Variants in CCSER1 observed in about 807,000 individuals in gnomAD.
CCSER1 encodes the protein serine-rich coiled-coil domain-containing protein 1.
Under a neutral mutation model 82.0 loss-of-function variants are expected in CCSER1, and 41 were observed. That is an observed-to-expected ratio of 0.50 (90% CI 0.39 to 0.65). CCSER1 has a LOEUF of 0.65. Ranked by LOEUF, CCSER1 falls within the 30% of genes least tolerant of loss-of-function variation. The pLI is 0.00. For synonymous variants in CCSER1, 414 were observed against 383.9 expected (o/e 1.08, Z -0.92); for missense variants, 1,119 against 1,064.2 (o/e 1.05, Z -0.72).
intron 1 of CCSER1, among the ~76,000 whole-genome samples, chr4:90,223,109 C>T (rs1742466607): frequency 6.6e-6 from 1 of 152,166 alleles, no homozygotes; most frequent in African/African-American, 2.4e-5. Context: ...ACTCATCTCC[C>T]TTCTGTTCCC....
intron 9 of CCSER1, among the ~76,000 whole-genome samples, chr4:91,003,131 C>T (rs1463106144): frequency 1.3e-5 from 2 of 152,182 alleles, no homozygotes; most frequent in African/African-American, 4.8e-5. Flanking sequence ...TGGATAGCAA[C>T]ACCTGCTCTG....
intron 6 of CCSER1, among the ~76,000 whole-genome samples, chr4:90,699,787 A>G (rs1435527178): frequency 6.6e-6 from 1 of 152,040 alleles, no homozygotes; most frequent in African/African-American, 2.4e-5. Context: ...TGATGGTAGG[A>G]TGTGGGACCT....
intron 8 of CCSER1, among the ~76,000 whole-genome samples, chr4:90,898,823 G>A (rs1724160293): frequency 1.3e-5 from 2 of 151,710 alleles, no homozygotes; most frequent in Non-Finnish European, 2.9e-5. Flanking sequence ...TTATGTATTG[G>A]TACCATACTG....
chr4:91,163,997 G>A (rs28885725), intron 10 of CCSER1, among the ~76,000 whole-genome samples: 26 of 152,196 alleles, frequency 1.7e-4, no homozygotes, highest in East Asian at 3.9e-4. Context: ...TATTTTGCTC[G>A]TTAGTTGATG....
intron 10 of CCSER1, among the ~76,000 whole-genome samples, chr4:91,179,570 A>C (rs1369878580): frequency 1.3e-5 from 2 of 152,184 alleles, no homozygotes; most frequent in African/African-American, 4.8e-5. Context: ...GTTCATTGAT[A>C]CACTTTCTTC....
chr4:90,192,750 G>A (rs755378787), intron 1 of CCSER1, among the ~76,000 whole-genome samples: 14 of 152,000 alleles, frequency 9.2e-5, no homozygotes, highest in Non-Finnish European at 2.9e-5. Flanking sequence ...TGAATGGGAG[G>A]TGATTAGCTA....
chr4:91,502,370 C>T (rs1195579164), intron 10 of CCSER1, among the ~76,000 whole-genome samples: 2 of 151,808 alleles, frequency 1.3e-5, no homozygotes, highest in Non-Finnish European at 2.9e-5. Flanking sequence ...GTAGAGCATG[C>T]TCATTTCATC....
chr4:91,216,994 C>T (rs773594655), intron 10 of CCSER1, among the ~76,000 whole-genome samples: 1 of 152,140 alleles, frequency 6.6e-6, no homozygotes, highest in Non-Finnish European at 1.5e-5. Context: ...AATGAAGCCG[C>T]GGACCCTCGC....
intron 8 of CCSER1, among the ~76,000 whole-genome samples, chr4:90,818,962 C>T (rs1372125933): frequency 2.6e-5 from 4 of 152,214 alleles, no homozygotes; most frequent in Non-Finnish European, 5.9e-5. Context: ...TATTTATCTA[C>T]TAAGGCTACC....
At chr4:90,373,804 GTGCC>G (rs1319159536) in intron 3 of CCSER1, among the ~76,000 whole-genome samples, 2 of 152,120 alleles carry the variant, frequency 1.3e-5, no homozygotes, top group Non-Finnish European at 2.9e-5. Context: ...AGAAGATATA[GTGCC>G]TCCCCTTGGA....
intron 1 of CCSER1, among the ~76,000 whole-genome samples, chr4:90,277,180 A>T (rs1727987913): frequency 6.6e-6 from 1 of 152,098 alleles, no homozygotes; most frequent in Admixed American, 6.6e-5. Flanking sequence ...AATAAATGGA[A>T]ACCATTCCAT....
chr4:91,549,542 T>G (rs779852064), intron 10 of CCSER1, among the ~76,000 whole-genome samples: 19 of 151,914 alleles, frequency 1.3e-4, no homozygotes, highest in Non-Finnish European at 2.6e-4. Flanking sequence ...TTATTAAGTC[T>G]TAGTCCTTTG....
chr4:91,152,920 C>A (rs1199267960), intron 10 of CCSER1, among the ~76,000 whole-genome samples: 1 of 151,962 alleles, frequency 6.6e-6, no homozygotes, highest in Non-Finnish European at 1.5e-5. Flanking sequence ...GTAACCCATC[C>A]TTTCTCTCTC....
Position 91,515,512 on chromosome 4 carries a change from A to C in CCSER1, c.2218-83060A>C, listed in dbSNP as rs187883229. On this transcript the variant is annotated intron_variant, in intron 10 of 10. Coordinates refer to ENST00000509176, the MANE Select transcript of CCSER1 (RefSeq NM_001145065.2). ...AAGATAATGGCTTCCACCTCCATCC[A>C]TGTTGCTGCAAAGTACATAATCTTG... Among the ~76,000 whole-genome samples the C allele has an allele frequency of 1.0e-3, 159 of 152,270 alleles. 3 individuals carry two copies. Among genetic ancestry groups the C allele is most frequent in the South Asian group, 1.0e-3 (5 of 4,826 alleles).
At chr4:90,349,071 G>C (rs1475066857) in intron 3 of CCSER1, among the ~76,000 whole-genome samples, 1 of 152,024 alleles carries the variant, frequency 6.6e-6, no homozygotes, top group Non-Finnish European at 1.5e-5. Flanking sequence ...ACATAAAATG[G>C]AGGCCAAACT....
intron 6 of CCSER1, among the ~76,000 whole-genome samples, chr4:90,658,242 A>T (rs906652970): frequency 7.2e-5 from 11 of 152,180 alleles, no homozygotes; most frequent in South Asian, 2.1e-4. Flanking sequence ...GTTTAATTAA[A>T]TAATAGGAGT....
At chr4:90,135,005 T>G (rs1417902233) in intron 1 of CCSER1, among the ~76,000 whole-genome samples, 1 of 152,142 alleles carries the variant, frequency 6.6e-6, no homozygotes, top group African/African-American at 2.4e-5. Context: ...TTAAAAAATG[T>G]TTTTTTAACT....
At chr4:90,519,906 C>T (rs746449399) in intron 5 of CCSER1, among the ~76,000 whole-genome samples, 19 of 152,102 alleles carry the variant, frequency 1.2e-4, no homozygotes, top group African/African-American at 3.4e-4. Context: ...TTCAAAAACA[C>T]GGTTTTCTTT....
chr4:90,405,163 T>TA (rs1560463785), intron 4 of CCSER1, among the ~76,000 whole-genome samples: 2 of 151,556 alleles, frequency 1.3e-5, no homozygotes, highest in African/African-American at 2.4e-5. Context: ...ATAGCATAAA[T>TA]AAAAAATAAT....
Sources: gnomAD v4.1 joint callset for allele counts (sites outside exome capture counted in the v4.1 genomes callset) on GRCh38, gnomAD v4.1.1 for gene constraint, MANE v1.5 for transcripts, NCBI Gene and HGNC (gene_info 2026-07-23, HGNC 2026-07-21) for gene names.